The following TENM2 variants were observed in gnomAD, a reference collection of about 807,000 sequenced individuals.
The protein encoded by TENM2 is teneurin transmembrane protein 2, also known as teneurin-2.
In TENM2, 52 loss-of-function variants were observed where a neutral mutation model predicts 245.2. The ratio of observed to expected loss-of-function variants is 0.21; its 90% CI spans 0.17 to 0.27. TENM2 has a LOEUF of 0.27. TENM2 is among the 10% of genes least tolerant of loss of function. The pLI is 1.00. For missense variants in TENM2, 3,046 were observed against 3,666.8 expected, an observed-to-expected ratio of 0.83 and a Z score of 4.37; for synonymous variants, 1,363 against 1,438.9, an observed-to-expected ratio of 0.95 and a Z score of 1.19.
chr5:167,534,606 T>A lies in TENM2; in HGVS notation c.502+159133T>A, dbSNP rs13174736. Among the ~76,000 whole-genome samples the A allele has an allele frequency of 3.7e-4, 57 of 152,092 alleles. 1 individual carries two copies. Among genetic ancestry groups the A allele is most frequent in the Admixed American group, 3.4e-3 (52 of 15,280 alleles). ...GATGTGGAGTGCCACAGGAAAGCAT[T>A]TGGACTTTATTCAGCGAGAACCATT... On this transcript the variant is annotated intron_variant, in intron 2 of 28. Transcript: ENST00000518659.
At chr5:167,418,100 TG>T (rs1381678423) in intron 2 of TENM2, among the ~76,000 whole-genome samples, 1 of 152,022 alleles carries the variant, frequency 6.6e-6, no homozygotes, top group Non-Finnish European at 1.5e-5. Context: ...GAGGCCAAGG[TG>T]GGTGGATCAC....
chr5:168,047,549 G>T, exon 6 of TENM2: 2 of 1,551,694 alleles, frequency 1.3e-6, no homozygotes, highest in Non-Finnish European at 1.7e-6. Flanking sequence ...TGGAGGCAAA[G>T]GTGAGGTTAC....
chr5:167,242,288 G>A, the TENM2 span, among the ~76,000 whole-genome samples: 3 of 152,114 alleles, frequency 2.0e-5, no homozygotes, highest in African/African-American at 7.2e-5. Context: ...GACCTCAGGT[G>A]ATCTGTCTGC....
intron 2 of TENM2, among the ~76,000 whole-genome samples, chr5:167,868,840 A>G (rs185672123): frequency 1.3e-5 from 2 of 152,200 alleles, no homozygotes; most frequent in Admixed American, 1.3e-4. Context: ...TGGTACAGTC[A>G]TGTATACACA....
chr5:167,689,049 C>G (rs184016255), intron 2 of TENM2, among the ~76,000 whole-genome samples: 1 of 152,124 alleles, frequency 6.6e-6, no homozygotes, highest in African/African-American at 2.4e-5. Context: ...CGTTGAACTT[C>G]CGGAAAAACG....
chr5:166,996,450 A>C, the TENM2 span, among the ~76,000 whole-genome samples: 1 of 152,234 alleles, frequency 6.6e-6, no homozygotes, highest in Non-Finnish European at 1.5e-5. Context: ...GAATATGACC[A>C]TACTGTTCAA....
At chr5:167,969,580 G>C (rs1447221926) in intron 4 of TENM2, among the ~76,000 whole-genome samples, 1 of 152,104 alleles carries the variant, frequency 6.6e-6, no homozygotes, top group Admixed American at 6.5e-5. Context: ...GGAGGATTTG[G>C]GACAGAGAGA....
intron 27 of TENM2, among the ~76,000 whole-genome samples, chr5:168,254,670 T>C (rs1767483952): frequency 6.6e-6 from 1 of 152,042 alleles, no homozygotes; most frequent in Non-Finnish European, 1.5e-5. Flanking sequence ...TTAACATCAC[T>C]TTCACCTCCT....
At chr5:167,345,889 A>G (rs982241491) in intron 1 of TENM2, among the ~76,000 whole-genome samples, 5 of 146,314 alleles carry the variant, frequency 3.4e-5, no homozygotes, top group African/African-American at 1.3e-4. Context: ...AGTAACATAC[A>G]GCCAAAAAAA....
intron 2 of TENM2, among the ~76,000 whole-genome samples, chr5:167,546,067 C>T (rs921827772): frequency 2.6e-5 from 4 of 152,146 alleles, no homozygotes; most frequent in African/African-American, 9.7e-5. Context: ...ATATTATTGT[C>T]ATTTTATAGA....
intron 23 of TENM2, among the ~76,000 whole-genome samples, chr5:168,222,550 G>A (rs1027039605): frequency 6.6e-6 from 1 of 152,158 alleles, no homozygotes; most frequent in African/African-American, 2.4e-5. Context: ...TTTAAAAGTT[G>A]CCTCTCTCTC....
the TENM2 span, among the ~76,000 whole-genome samples, chr5:167,158,920 C>G: frequency 6.9e-6 from 1 of 144,172 alleles, no homozygotes; most frequent in Non-Finnish European, 1.5e-5. Context: ...CTTCCTCTCT[C>G]TCTCTCTCTC....
At chr5:167,620,799 C>T (rs1351652425) in intron 2 of TENM2, among the ~76,000 whole-genome samples, 2 of 151,978 alleles carry the variant, frequency 1.3e-5, no homozygotes, top group Admixed American at 6.6e-5. Flanking sequence ...CCTTTCATGT[C>T]TCAGGTTATT....
chr5:167,484,968 T>G (rs1767972057), intron 2 of TENM2, among the ~76,000 whole-genome samples: 1 of 152,260 alleles, frequency 6.6e-6, no homozygotes, highest in South Asian at 2.1e-4. Context: ...ATTGCATATA[T>G]TCCAGTAAAA....
the TENM2 span, among the ~76,000 whole-genome samples, chr5:167,200,724 C>T: frequency 7.9e-5 from 12 of 152,104 alleles, no homozygotes; most frequent in African/African-American, 1.9e-4. Flanking sequence ...AGTGTGGCAG[C>T]GGCTACTTCA....
intron 2 of TENM2, among the ~76,000 whole-genome samples, chr5:167,533,764 G>A (rs556350104): frequency 6.6e-6 from 1 of 152,196 alleles, no homozygotes; most frequent in South Asian, 2.1e-4. Flanking sequence ...CTGGTTGGCT[G>A]TTCTTATATA....
chr5:167,019,716 C>A, the TENM2 span, among the ~76,000 whole-genome samples: 1 of 152,006 alleles, frequency 6.6e-6, no homozygotes, highest in Non-Finnish European at 1.5e-5. Context: ...GTGATCCGCT[C>A]GCCTCAGCCT....
At chr5:167,497,631 T>C (rs917559533) in intron 2 of TENM2, among the ~76,000 whole-genome samples, 2 of 151,996 alleles carry the variant, frequency 1.3e-5, no homozygotes, top group African/African-American at 2.4e-5. Context: ...GCAGTTTCAA[T>C]TAGAAAAAAT....
chr5:167,783,976 G>T (rs573099253), intron 2 of TENM2, among the ~76,000 whole-genome samples: 1 of 152,146 alleles, frequency 6.6e-6, no homozygotes, highest in Non-Finnish European at 1.5e-5. Flanking sequence ...AAATAAGAGG[G>T]AGATTGAGGG....
Sources: allele counts gnomAD v4.1 joint callset (sites outside exome capture counted in the v4.1 genomes callset), GRCh38; gene constraint gnomAD v4.1.1; transcripts MANE v1.5; gene names NCBI Gene and HGNC (gene_info 2026-07-23, HGNC 2026-07-21).